EPC1: variants seen among roughly 807,000 people sequenced by gnomAD.
EPC1 encodes enhancer of polycomb homolog 1.
A neutral mutation model predicts 98.4 loss-of-function variants in EPC1; 12 were observed. The ratio of observed to expected loss-of-function variants is 0.12; its 90% CI spans 0.08 to 0.20. The LOEUF (loss-of-function observed/expected upper bound fraction) is 0.20. EPC1 is among the 10% of genes least tolerant of loss of function. The probability of loss-of-function intolerance (pLI) is 1.00; values close to 1 mark genes in which losing one functional copy is unlikely to be tolerated. For missense variants in EPC1, 729 were observed against 990.5 expected (o/e 0.74, Z 3.54); for synonymous variants, 357 against 363.9 (o/e 0.98, Z 0.21).
chr10:32,289,957 CT>C, intron 6 of EPC1, among the ~76,000 whole-genome samples: 1 of 152,214 alleles, frequency 6.6e-6, no homozygotes, highest in African/African-American at 2.4e-5. Flanking sequence ...GCATAACGTA[CT>C]TTTTCCTCAG....
chr10:32,369,779 A>T (rs2505363), intron 1 of EPC1, among the ~76,000 whole-genome samples: 1 of 152,208 alleles, frequency 6.6e-6, no homozygotes, highest in Non-Finnish European at 1.5e-5. Flanking sequence ...ACATTAGAGC[A>T]AACTTAAGAG....
In EPC1 at chr10:32,347,053, C is replaced by G; in HGVS notation, c.-138G>C. 6.8e-7 allele frequency: 1 copy of G among 1,463,702 alleles called. No individual in the cohort carries two copies. The highest frequency in any genetic ancestry group is 9.0e-7 in the Non-Finnish European group (1 of 1,113,706). 90.7% of individuals were successfully genotyped at this position (1,463,702 alleles called of 1,614,324 possible). A position where few individuals can be genotyped will look rare whatever the true frequency, so the allele number is the denominator to read the frequency against. On this transcript the variant is annotated 5_prime_UTR_variant, in exon 1 of 14. Coordinates refer to ENST00000319778, the MANE Select transcript of EPC1 (RefSeq NM_001272004.3). ...CGGAGCGCAGAGCCCGCCGTCCGGGCACTAACACCAGCCGGGAGGGTGGGA... is the reference window on the plus strand; with the variant it reads ...CGGAGCGCAGAGCCCGCCGTCCGGGGACTAACACCAGCCGGGAGGGTGGGA...
intron 1 of EPC1, among the ~76,000 whole-genome samples, chr10:32,352,802 G>A (rs975992521): frequency 6.6e-6 from 1 of 152,186 alleles, no homozygotes; most frequent in African/African-American, 2.4e-5. Context: ...GTTGGGTTTA[G>A]AGAGGTTGTG....
At chr10:32,277,704 C>T (rs1240829008) in intron 10 of EPC1, among the ~76,000 whole-genome samples, 1 of 152,050 alleles carries the variant, frequency 6.6e-6, no homozygotes, top group Non-Finnish European at 1.5e-5. Flanking sequence ...CTAGCTCGGA[C>T]TACAGGCGAG....
At chr10:32,290,648 A>G (rs758291986) in intron 6 of EPC1, among the ~76,000 whole-genome samples, 3 of 152,058 alleles carry the variant, frequency 2.0e-5, no homozygotes, top group Admixed American at 2.0e-4. Flanking sequence ...AGATATAGTA[A>G]CAAAAGCTTC....
chr10:32,334,268 T>C (rs904776584), intron 1 of EPC1, among the ~76,000 whole-genome samples: 1 of 152,158 alleles, frequency 6.6e-6, no homozygotes, highest in Non-Finnish European at 1.5e-5. Context: ...TACTGTATAT[T>C]TGGCAAGTGT....
Position 32,271,674 on chromosome 10 carries a change from T to C in EPC1, c.2249A>G (p.Asn750Ser). ...VATVNSIAPI[N>S]ARHIPRTLSA... Reference sequence around the variant, plus strand: ...TAAAGTCCTAGGTATATGTCGTGCATTTATTGGGGCAATAGAGTTTACAGT... The same window carrying C: ...TAAAGTCCTAGGTATATGTCGTGCACTTATTGGGGCAATAGAGTTTACAGT... Residue 750 changes from asparagine to serine, a missense_variant, in exon 13 of 14, where the codon AAT (asparagine) becomes AGT (serine). By Grantham distance (46) the Asn-to-Ser change is conservative (BLOSUM62 1). This residue lies in a region of EPC1 where 156 missense variants were observed against 188.9 expected (regional missense o/e 0.83). Coordinates refer to ENST00000319778, the MANE Select transcript of EPC1 (RefSeq NM_001272004.3). 4 of 1,614,202 alleles carry C rather than the reference T, an allele frequency of 2.5e-6. No homozygotes were observed. The highest frequency in any genetic ancestry group is 3.4e-6 in the Non-Finnish European group (4 of 1,180,026).
At chr10:32,280,947 G>C (rs1051935277) in intron 10 of EPC1, among the ~76,000 whole-genome samples, 1 of 152,178 alleles carries the variant, frequency 6.6e-6, no homozygotes, top group African/African-American at 2.4e-5. Flanking sequence ...GCATTGACCT[G>C]ATACTACAAG....
At chr10:32,374,464 C>T (rs1324724569) in intron 1 of EPC1, 3 of 152,012 alleles carry the variant, frequency 2.0e-5, no homozygotes, top group Non-Finnish European at 2.9e-5. Flanking sequence ...TTTCTCTAGC[C>T]AATAAATCAA....
intron 1 of EPC1, among the ~76,000 whole-genome samples, chr10:32,313,491 GA>G (rs1174096706): frequency 3.9e-5 from 6 of 152,218 alleles, no homozygotes; most frequent in South Asian, 4.1e-4. Flanking sequence ...TATGTTTAGA[GA>G]AATATAAACA....
At chr10:32,300,249 T>A (rs570774737) in intron 2 of EPC1, among the ~76,000 whole-genome samples, 13 of 151,354 alleles carry the variant, frequency 8.6e-5, no homozygotes, top group South Asian at 4.2e-4. Context: ...TTTTTTTAAA[T>A]TTTTTTTTAT....
intron 1 of EPC1, among the ~76,000 whole-genome samples, chr10:32,335,525 G>A (rs1221575199): frequency 6.6e-6 from 1 of 151,828 alleles, no homozygotes; most frequent in African/African-American, 2.4e-5. Context: ...ACTTGTGGAT[G>A]GCATACACAC....
Position 32,271,586 on chromosome 10 carries a change from G to C in EPC1, c.2337C>G (p.Val779=), listed in dbSNP as rs777908100. The part of the protein sequence containing the change: ...AAAANCQVSK[V]PSSSSVDSVP... Reference sequence around the variant, plus strand: ...CTGAATCTACAGAGGATGAAGATGGGACCTTGGAAACTTGACAGTTTGCTG... The same window carrying C: ...CTGAATCTACAGAGGATGAAGATGGCACCTTGGAAACTTGACAGTTTGCTG... Residue 779 remains valine (V), a synonymous_variant, in exon 13 of 14, where the codon GTC becomes GTG. Coordinates refer to ENST00000319778, the MANE Select transcript of EPC1 (RefSeq NM_001272004.3). 11 of 1,614,154 alleles carry C rather than the reference G, an allele frequency of 6.8e-6. No individual in the cohort carries two copies. The highest frequency in any genetic ancestry group is 6.6e-5 in the South Asian group (6 of 91,080).
chr10:32,336,062 C>CT (rs1196591850), intron 1 of EPC1, among the ~76,000 whole-genome samples: 1 of 44,762 alleles, frequency 2.2e-5, no homozygotes, highest in African/African-American at 4.3e-5. Flanking sequence ...AATCTACTAC[C>CT]TTTTCTTTTT....
At chr10:32,369,888 T>C (rs1357981112) in intron 1 of EPC1, among the ~76,000 whole-genome samples, 1 of 152,210 alleles carries the variant, frequency 6.6e-6, no homozygotes, top group Non-Finnish European at 1.5e-5. Flanking sequence ...ACTAAATTTA[T>C]AAATTCAGTG....
intron 1 of EPC1, among the ~76,000 whole-genome samples, chr10:32,353,276 G>A (rs1019307381): frequency 1.3e-5 from 2 of 152,128 alleles, no homozygotes; most frequent in African/African-American, 4.8e-5. Flanking sequence ...GGTTGGTAAT[G>A]AAGGGCAAAG....
intron 10 of EPC1, among the ~76,000 whole-genome samples, chr10:32,275,467 A>G (rs985140239): frequency 5.3e-5 from 8 of 152,284 alleles, no homozygotes; most frequent in African/African-American, 1.4e-4. Context: ...CCCCGTCTCT[A>G]TTAAAAATGC....
intron 1 of EPC1, among the ~76,000 whole-genome samples, chr10:32,368,957 G>A (rs1839676460): frequency 6.6e-6 from 1 of 152,162 alleles, no homozygotes; most frequent in African/African-American, 2.4e-5. Context: ...CTGGACAATT[G>A]GTAGTAAAGG....
chr10:32,361,689 C>T (rs1192122417), intron 1 of EPC1, among the ~76,000 whole-genome samples: 5 of 152,146 alleles, frequency 3.3e-5, no homozygotes, highest in Admixed American at 1.3e-4. Context: ...TCTCACCCAT[C>T]GGGAGACTGC....
Sources: allele counts gnomAD v4.1 joint callset (sites outside exome capture counted in the v4.1 genomes callset), GRCh38; gene constraint gnomAD v4.1.1; regional missense constraint gnomAD v4.1.1; transcripts MANE v1.5; gene names NCBI Gene and HGNC (gene_info 2026-07-23, HGNC 2026-07-21).